FBXW7: variants seen among roughly 807,000 people sequenced by gnomAD.
FBXW7 encodes F-box and WD repeat domain containing 7.
In FBXW7, 11 loss-of-function variants were observed where a neutral mutation model predicts 86.3. The ratio of observed to expected loss-of-function variants is 0.13; its 90% CI spans 0.08 to 0.21. The LOEUF is 0.21. Among genes scored for constraint, FBXW7 ranks in the 10% least tolerant of loss-of-function variants. The probability of loss-of-function intolerance (pLI) is 1.00; values close to 1 mark genes in which losing one functional copy is unlikely to be tolerated. For missense variants in FBXW7, 488 were observed against 847.4 expected (o/e 0.58, Z 5.27); for synonymous variants, 313 against 297.9 (o/e 1.05, Z -0.52).
intron 2 of FBXW7, among the ~76,000 whole-genome samples, chr4:152,448,303 T>A (rs1741594509): frequency 6.6e-6 from 1 of 152,254 alleles, no homozygotes; most frequent in Admixed American, 6.5e-5. Context: ...AATCTGATGA[T>A]GACAAAATGA....
chr4:152,461,494 A>C (rs555413976), intron 2 of FBXW7, among the ~76,000 whole-genome samples: 1 of 152,344 alleles, frequency 6.6e-6, no homozygotes, highest in East Asian at 1.9e-4. Context: ...AAATGCAGAA[A>C]CATGGAAACA....
At chr4:152,501,411 T>C (rs971156622) in intron 2 of FBXW7, among the ~76,000 whole-genome samples, 5 of 152,188 alleles carry the variant, frequency 3.3e-5, no homozygotes, top group African/African-American at 1.2e-4. Flanking sequence ...AGCAATAACA[T>C]TCATTTACTT....
At chr4:152,502,386 TGA>T (rs1370616806) in intron 2 of FBXW7, among the ~76,000 whole-genome samples, 1 of 152,164 alleles carries the variant, frequency 6.6e-6, no homozygotes, top group Non-Finnish European at 1.5e-5. Context: ...ATAAAAATAC[TGA>T]TCTAGTCAGT....
chr4:152,497,673 T>C (rs1333180542), intron 2 of FBXW7, among the ~76,000 whole-genome samples: 1 of 152,286 alleles, frequency 6.6e-6, no homozygotes, highest in East Asian at 1.9e-4. Flanking sequence ...GGAAACATGT[T>C]AATGGGTATA....
intron 2 of FBXW7, among the ~76,000 whole-genome samples, chr4:152,444,272 A>AGTTTATGAAT (rs1741172329): frequency 6.6e-6 from 1 of 151,814 alleles, no homozygotes; most frequent in African/African-American, 2.4e-5. Flanking sequence ...TGTCTTACAA[A>AGTTTATGAAT]ATCTTCCCCA....
At chr4:152,362,108 G>T (rs1281783854) in intron 4 of FBXW7, among the ~76,000 whole-genome samples, 1 of 152,034 alleles carries the variant, frequency 6.6e-6, no homozygotes, top group African/African-American at 2.4e-5. Flanking sequence ...ATGAAGGCAT[G>T]GTATGTAATG....
At chr4:152,416,027 C>T (rs1738398434) in intron 2 of FBXW7, among the ~76,000 whole-genome samples, 2 of 152,132 alleles carry the variant, frequency 1.3e-5, no homozygotes, top group African/African-American at 4.8e-5. Context: ...CAAATACCTA[C>T]CTATCCATCT....
chr4:152,330,650 T>C (rs1729479640), intron 9 of FBXW7, 82 bp downstream of exon 9: 2 of 1,264,000 alleles, frequency 1.6e-6, no homozygotes, highest in Non-Finnish European at 1.1e-6. Context: ...AGTGTCATAT[T>C]ATACAGTTTG....
At chr4:152,352,852 A>T (rs1578966051) in intron 4 of FBXW7, 1 of 1,499,412 alleles carries the variant, frequency 6.7e-7, no homozygotes, top group Admixed American at 2.2e-5. Flanking sequence ...TCAGCAGCAG[A>T]GGGATCAGAT....
intron 2 of FBXW7, among the ~76,000 whole-genome samples, chr4:152,481,625 T>C (rs1395184618): frequency 1.3e-5 from 2 of 152,196 alleles, no homozygotes; most frequent in Non-Finnish European, 2.9e-5. Context: ...AAAACATTCA[T>C]TATTCATGAG....
At chr4:152,505,897 C>T (rs1440891612) in intron 2 of FBXW7, among the ~76,000 whole-genome samples, 1 of 152,036 alleles carries the variant, frequency 6.6e-6, no homozygotes, top group African/African-American at 2.4e-5. Flanking sequence ...TGCACCACCA[C>T]ACCCAGCTAA....
chr4:152,514,928 T>C (rs984448665), intron 2 of FBXW7, among the ~76,000 whole-genome samples: 2 of 152,178 alleles, frequency 1.3e-5, no homozygotes, highest in African/African-American at 4.8e-5. Context: ...CACTATAAGA[T>C]TATTTAGGAG....
At chr4:152,482,793 T>C (rs189936727) in intron 2 of FBXW7, among the ~76,000 whole-genome samples, 3 of 152,340 alleles carry the variant, frequency 2.0e-5, no homozygotes, top group African/African-American at 2.4e-5. Context: ...TCTATATTTG[T>C]CTTTATTCTC....
chr4:152,401,022 T>C (rs1736879509), intron 4 of FBXW7, among the ~76,000 whole-genome samples: 1 of 152,070 alleles, frequency 6.6e-6, no homozygotes, highest in South Asian at 2.1e-4. Flanking sequence ...ATGGTCAAAA[T>C]CCAGAACACT....
chr4:152,403,626 G>A (rs1210702670), intron 4 of FBXW7, among the ~76,000 whole-genome samples: 1 of 152,070 alleles, frequency 6.6e-6, no homozygotes, highest in African/African-American at 2.4e-5. Context: ...AGCTCACCAC[G>A]CATTAGACTC....
At chr4:152,341,166 A>T (rs1408141059) in intron 6 of FBXW7, among the ~76,000 whole-genome samples, 1 of 152,150 alleles carries the variant, frequency 6.6e-6, no homozygotes, top group African/African-American at 2.4e-5. Flanking sequence ...GAAAGTCTTA[A>T]ACCTTCTTAA....
chr4:152,391,215 A>G (rs1735967550), intron 4 of FBXW7, among the ~76,000 whole-genome samples: 1 of 152,150 alleles, frequency 6.6e-6, no homozygotes, highest in Non-Finnish European at 1.5e-5. Flanking sequence ...ATTAAAGTAC[A>G]GAAAACAAGT....
chr4:152,497,873 C>A (rs1253700870), intron 2 of FBXW7, among the ~76,000 whole-genome samples: 1 of 152,124 alleles, frequency 6.6e-6, no homozygotes. Flanking sequence ...TAGCATTATT[C>A]AACCTGGAAA....
At chr4:152,350,523 T>C (rs2126651995) in intron 4 of FBXW7, among the ~76,000 whole-genome samples, 1 of 151,942 alleles carries the variant, frequency 6.6e-6, no homozygotes, top group African/African-American at 2.4e-5. Flanking sequence ...TTTAAAAACA[T>C]GTTTTTAATA....
Sources: allele counts gnomAD v4.1 joint callset (sites outside exome capture counted in the v4.1 genomes callset), GRCh38; gene constraint gnomAD v4.1.1; transcripts MANE v1.5; gene names NCBI Gene and HGNC (gene_info 2026-07-23, HGNC 2026-07-21).